The following ADGRB3 variants were observed in gnomAD, a reference collection of about 807,000 sequenced individuals.
ADGRB3 encodes the protein adhesion G protein-coupled receptor B3.
ADGRB3 carries 37 observed loss-of-function variants against 193.4 expected under a neutral mutation model. That is an observed-to-expected ratio of 0.19 (90% CI 0.15 to 0.25). The LOEUF (loss-of-function observed/expected upper bound fraction) is 0.25. ADGRB3 is among the 10% of genes least tolerant of loss of function. The pLI is 1.00. For missense variants in ADGRB3, 1,637 were observed against 1,852.9 expected, an observed-to-expected ratio of 0.88 and a Z score of 2.14; for synonymous variants, 690 against 644.2, an observed-to-expected ratio of 1.07 and a Z score of -1.08.
At chr6:69,262,188 T>C (rs979040340) in intron 20 of ADGRB3, among the ~76,000 whole-genome samples, 2 of 152,042 alleles carry the variant, frequency 1.3e-5, no homozygotes, top group South Asian at 4.1e-4. Context: ...ACTTAGAGTA[T>C]CACTATGGTT....
chr6:69,099,865 T>C (rs1446104160), intron 17 of ADGRB3, among the ~76,000 whole-genome samples: 4 of 152,204 alleles, frequency 2.6e-5, no homozygotes, highest in African/African-American at 9.7e-5. Flanking sequence ...CTTAATGCCA[T>C]TACTCACAGA....
intron 3 of ADGRB3, among the ~76,000 whole-genome samples, chr6:68,764,324 C>A (rs1766468280): frequency 6.6e-6 from 1 of 151,980 alleles, no homozygotes; most frequent in East Asian, 1.9e-4. Context: ...ACACAGGATA[C>A]CAAACTGACC....
In ADGRB3 at chr6:68,850,180, C is replaced by T. The variant is rs62416366; in HGVS notation, c.758-80379C>T. Reference sequence around the variant, plus strand: ...TATAACTGGATTCAGTGTGCCTCACCATTTCATTTTACCATGGATTCTCGA... The same window carrying T: ...TATAACTGGATTCAGTGTGCCTCACTATTTCATTTTACCATGGATTCTCGA... On this transcript the variant is annotated intron_variant, in intron 3 of 31. Transcript: ENST00000370598. Among the ~76,000 whole-genome samples the T allele has an allele frequency of 3.1e-3, 466 of 151,490 alleles. 1 individual carries two copies. The highest frequency in any genetic ancestry group is 5.7e-3 in the Non-Finnish European group (384 of 67,784).
chr6:68,794,013 A>G (rs1767160698), intron 3 of ADGRB3, among the ~76,000 whole-genome samples: 2 of 152,168 alleles, frequency 1.3e-5, no homozygotes, highest in African/African-American at 2.4e-5. Context: ...CTCAAGATGC[A>G]TGTAAAGCTG....
chr6:68,897,744 AG>A (rs1766274309), intron 3 of ADGRB3, among the ~76,000 whole-genome samples: 1 of 12,516 alleles, frequency 8.0e-5, no homozygotes, highest in Non-Finnish European at 2.2e-4. Context: ...AGGAAGAGGA[AG>A]GAAGGGAGGG....
chr6:69,388,761 C>A lies in ADGRB3; in HGVS notation c.4439C>A (p.Pro1480Gln). Residue 1480 changes from proline (P) to glutamine (Q), a missense_variant, in exon 32 of 32, where the codon CCG (proline) becomes CAG (glutamine). Transcript: ENST00000370598. ...ACTTTCAAAAACCCCAGTGAATACC[C>A]GCATTACACCACAATCAATGTCTTA... ...WDTFKNPSEYPHYTTINVLDT... is the reference protein window; with the variant it reads ...WDTFKNPSEYQHYTTINVLDT... 3 of 1,613,432 alleles carry A rather than the reference C, an allele frequency of 1.9e-6. No individual in the cohort carries two copies. The highest frequency in any genetic ancestry group is 2.5e-6 in the Non-Finnish European group (3 of 1,179,620).
chr6:68,699,993 A>G (rs569420786), intron 3 of ADGRB3, among the ~76,000 whole-genome samples: 44 of 152,292 alleles, frequency 2.9e-4, no homozygotes, highest in African/African-American at 1.0e-3. Flanking sequence ...GTGAAGATAT[A>G]TAATAACCAT....
chr6:69,167,059 T>C (rs1775147086), intron 17 of ADGRB3, among the ~76,000 whole-genome samples: 1 of 152,158 alleles, frequency 6.6e-6, no homozygotes, highest in Admixed American at 6.6e-5. Context: ...ATTTAGAGTT[T>C]GACTCTCACA....
intron 17 of ADGRB3, among the ~76,000 whole-genome samples, chr6:69,135,654 C>T (rs1774129965): frequency 1.3e-5 from 2 of 151,976 alleles, no homozygotes; most frequent in African/African-American, 2.4e-5. Flanking sequence ...TTGCAGTTTC[C>T]TGCATCTAAA....
chr6:68,893,010 T>C (rs1766121915), intron 3 of ADGRB3, among the ~76,000 whole-genome samples: 1 of 152,164 alleles, frequency 6.6e-6, no homozygotes, highest in Non-Finnish European at 1.5e-5. Context: ...ATGCCTGCCT[T>C]AGTTTTATTC....
intron 13 of ADGRB3, among the ~76,000 whole-genome samples, chr6:69,025,099 A>T (rs568940677): frequency 0.24 from 36,528 of 151,154 alleles, 4,725 homozygotes; most frequent in African/African-American, 0.26. Flanking sequence ...CTCAAAAAAA[A>T]AAAAAAAAAA....
intron 17 of ADGRB3, among the ~76,000 whole-genome samples, chr6:69,146,715 G>A (rs1267512156): frequency 6.6e-6 from 1 of 151,958 alleles, no homozygotes; most frequent in Non-Finnish European, 1.5e-5. Flanking sequence ...CTGCAGCTGT[G>A]ATCATTAATT....
intron 13 of ADGRB3, 147 bp from the exon 14 acceptor site, chr6:69,048,038 A>G: frequency 1.1e-6 from 1 of 875,352 alleles, no homozygotes; most frequent in Non-Finnish European, 1.7e-6. Context: ...TTTGTCTAAT[A>G]AGACATAAGT....
chr6:68,893,261 A>G lies in ADGRB3; in HGVS notation c.758-37298A>G, dbSNP rs370589565. 5.3e-5 allele frequency among the ~76,000 whole-genome samples: 8 copies of G among 152,208 alleles called. No homozygotes were observed. In the East Asian group the frequency reaches 7.7e-4, roughly 15 times the overall value. On this transcript the variant is annotated intron_variant, in intron 3 of 31. Coordinates refer to ENST00000370598, the MANE Select transcript of ADGRB3 (RefSeq NM_001704.3). ...TGTTTATTTTCATAGAGTTTGTGAA[A>G]TAAAGCAGCTGGCCTATCAAATTGC...
intron 17 of ADGRB3, among the ~76,000 whole-genome samples, chr6:69,101,827 G>A (rs539319022): frequency 6.6e-6 from 1 of 152,142 alleles, no homozygotes; most frequent in South Asian, 2.1e-4. Context: ...CACTAAGCTG[G>A]TAAGGGTAGA....
intron 3 of ADGRB3, among the ~76,000 whole-genome samples, chr6:68,818,601 T>C (rs564658791): frequency 4.4e-4 from 67 of 152,190 alleles, no homozygotes; most frequent in African/African-American, 1.5e-3. Context: ...TTACTAGCAA[T>C]ATAATCTTGT....
At chr6:69,355,323 C>T (rs867892954) in intron 27 of ADGRB3, among the ~76,000 whole-genome samples, 18 of 152,122 alleles carry the variant, frequency 1.2e-4, no homozygotes, top group African/African-American at 4.3e-4. Flanking sequence ...CTTTTTGCCA[C>T]ATTTGAGTGA....
chr6:69,285,986 C>A (rs976478042), intron 20 of ADGRB3, among the ~76,000 whole-genome samples: 1 of 152,042 alleles, frequency 6.6e-6, no homozygotes, highest in African/African-American at 2.4e-5. Flanking sequence ...CATGCCTGTG[C>A]TTTCCAATAC....
intron 3 of ADGRB3, among the ~76,000 whole-genome samples, chr6:68,828,725 C>G (rs890061535): frequency 1.3e-5 from 2 of 152,144 alleles, no homozygotes; most frequent in African/African-American, 4.8e-5. Context: ...AACCTAGGAA[C>G]ATAAGCTACT....
Sources: gnomAD v4.1 joint callset for allele counts (sites outside exome capture counted in the v4.1 genomes callset) on GRCh38, gnomAD v4.1.1 for gene constraint, MANE v1.5 for transcripts, NCBI Gene and HGNC (gene_info 2026-07-23, HGNC 2026-07-21) for gene names.